The following CNOT10 variants were observed in gnomAD, a reference collection of about 807,000 sequenced individuals.
CNOT10 encodes the protein CCR4-NOT transcription complex subunit 10, also known as CCR4-NOT transcription complex, subunit 10.
A neutral mutation model predicts 94.6 loss-of-function variants in CNOT10; 30 were observed. The ratio of observed to expected loss-of-function variants is 0.32; its 90% CI spans 0.24 to 0.43. The LOEUF is 0.43. Among genes scored for constraint, CNOT10 ranks in the 20% least tolerant of loss-of-function variants. The probability of loss-of-function intolerance (pLI) is 1.00; values close to 1 mark genes in which losing one functional copy is unlikely to be tolerated. For synonymous variants in CNOT10, 289 were observed against 301.6 expected, an observed-to-expected ratio of 0.96 and a Z score of 0.43; for missense variants, 759 against 877.2, an observed-to-expected ratio of 0.87 and a Z score of 1.70.
chr3:32,735,017 A>G, intron 12 of CNOT10, 41 bp downstream of exon 12: 1 of 1,537,736 alleles, frequency 6.5e-7, no homozygotes, highest in Non-Finnish European at 8.9e-7. Flanking sequence ...AAATCCTTTC[A>G]GGACTTCTTT....
intron 2 of CNOT10, 127 bp from the exon 3 acceptor site, chr3:32,704,684 A>G (rs1697530131): frequency 2.9e-6 from 3 of 1,041,372 alleles, no homozygotes; most frequent in Admixed American, 6.9e-5. Flanking sequence ...TAGTATATGT[A>G]GGGAAACTAC....
chr3:32,758,961 T>C (rs1445577484), intron 13 of CNOT10, among the ~76,000 whole-genome samples: 1 of 152,188 alleles, frequency 6.6e-6, no homozygotes, highest in Admixed American at 6.5e-5. Context: ...TAGACTTAAT[T>C]GGTTGAGAAA....
At chr3:32,692,021 A>C (rs1696869440) in intron 1 of CNOT10, among the ~76,000 whole-genome samples, 1 of 150,482 alleles carries the variant, frequency 6.6e-6, no homozygotes, top group African/African-American at 2.4e-5. Context: ...ACTGCACTCC[A>C]ACCTGGGTGA....
intron 1 of CNOT10, among the ~76,000 whole-genome samples, chr3:32,701,166 T>G (rs926538970): frequency 5.3e-5 from 8 of 152,036 alleles, no homozygotes; most frequent in Admixed American, 2.0e-4. Context: ...TCCCAGCTAC[T>G]TGGGAGGCTG....
intron 4 of CNOT10, among the ~76,000 whole-genome samples, chr3:32,711,973 T>C (rs1169506515): frequency 1.3e-5 from 2 of 152,220 alleles, no homozygotes; most frequent in East Asian, 1.9e-4. Context: ...AAATTTTCTC[T>C]TCTAGACCTT....
chr3:32,750,837 A>G (rs777853019), intron 13 of CNOT10, among the ~76,000 whole-genome samples: 5 of 152,136 alleles, frequency 3.3e-5, no homozygotes, highest in Non-Finnish European at 5.9e-5. Flanking sequence ...GGCGTGAGCC[A>G]CCGGGCCCAG....
chr3:32,752,506 G>A (rs112529916), intron 13 of CNOT10, among the ~76,000 whole-genome samples: 3,350 of 152,216 alleles, frequency 0.022, 50 homozygotes, highest in East Asian at 0.048. Flanking sequence ...TGGGTTCTTT[G>A]GGATGCCAGA....
intron 1 of CNOT10, among the ~76,000 whole-genome samples, chr3:32,685,872 G>GTC: frequency 6.6e-6 from 1 of 152,028 alleles, no homozygotes; most frequent in African/African-American, 2.4e-5. Context: ...GATTCACCTG[G>GTC]GCTGTTTTGA....
chr3:32,696,005 G>GTGTGTGTGTT (rs1697045387), intron 1 of CNOT10, among the ~76,000 whole-genome samples: 1 of 135,110 alleles, frequency 7.4e-6, no homozygotes, highest in African/African-American at 2.7e-5. Context: ...GTGTGTGTGT[G>GTGTGTGTGTT]TGTGTGTGTG....
chr3:32,709,272 A>G (rs1342888545), intron 4 of CNOT10, among the ~76,000 whole-genome samples: 1 of 152,230 alleles, frequency 6.6e-6, no homozygotes, highest in African/African-American at 2.4e-5. Flanking sequence ...TTAGCTTACT[A>G]ACCTCAAGTA....
intron 7 of CNOT10, among the ~76,000 whole-genome samples, chr3:32,717,810 G>A (rs1247382069): frequency 6.6e-6 from 1 of 152,114 alleles, no homozygotes; most frequent in Non-Finnish European, 1.5e-5. Flanking sequence ...AAGTTGCAGT[G>A]AGCTGAGATC....
intron 7 of CNOT10, among the ~76,000 whole-genome samples, chr3:32,719,281 A>G (rs1336282332): frequency 2.0e-5 from 3 of 148,904 alleles, no homozygotes; most frequent in East Asian, 2.0e-4. Flanking sequence ...TTTGCCTGGC[A>G]TGGTGGCGCA....
intron 13 of CNOT10, chr3:32,753,972 T>C (rs2125618205): frequency 1.3e-6 from 1 of 751,536 alleles, no homozygotes; most frequent in East Asian, 2.9e-5. Flanking sequence ...AGGTGCATGC[T>C]TGTAATCCCA....
At chr3:32,715,780 TCA>T (rs1698091713) in intron 5 of CNOT10, among the ~76,000 whole-genome samples, 1 of 152,178 alleles carries the variant, frequency 6.6e-6, no homozygotes, top group African/African-American at 2.4e-5. Flanking sequence ...CTACTGAACC[TCA>T]GTCTCTAGGA....
intron 8 of CNOT10, among the ~76,000 whole-genome samples, chr3:32,723,554 C>T (rs1698517682): frequency 6.6e-6 from 1 of 152,048 alleles, no homozygotes; most frequent in South Asian, 2.1e-4. Context: ...CTTGAGTAAA[C>T]ATTTTCCAAA....
At chr3:32,772,805 A>C (rs981730439) in intron 18 of CNOT10, among the ~76,000 whole-genome samples, 2 of 152,116 alleles carry the variant, frequency 1.3e-5, no homozygotes, top group Admixed American at 6.6e-5. Flanking sequence ...CCTGGCACCC[A>C]GCGGGCCTTA....
chr3:32,725,853 A>T (rs1325786410), intron 9 of CNOT10, among the ~76,000 whole-genome samples: 1 of 152,206 alleles, frequency 6.6e-6, no homozygotes, highest in African/African-American at 2.4e-5. Context: ...AAAATGAGTA[A>T]TTCCCTGTGG....
intron 1 of CNOT10, among the ~76,000 whole-genome samples, chr3:32,697,021 G>T (rs1697104086): frequency 6.6e-6 from 1 of 151,686 alleles, no homozygotes; most frequent in South Asian, 2.1e-4. Context: ...CGTGATCTCG[G>T]CTCACTGCAG....
chr3:32,749,821 A>G (rs961707508), intron 13 of CNOT10, among the ~76,000 whole-genome samples: 1 of 152,090 alleles, frequency 6.6e-6, no homozygotes, highest in Admixed American at 6.6e-5. Context: ...GGTGCACCAA[A>G]ATTTCACACA....
Sources: gnomAD v4.1 joint callset for allele counts (sites outside exome capture counted in the v4.1 genomes callset) on GRCh38, gnomAD v4.1.1 for gene constraint, MANE v1.5 for transcripts, NCBI Gene and HGNC (gene_info 2026-07-23, HGNC 2026-07-21) for gene names.